The following DCAF8L2 variants were observed in gnomAD, a reference collection of about 807,000 sequenced individuals.
The protein encoded by DCAF8L2 is DDB1 and CUL4 associated factor 8 like 2.
For missense variants in DCAF8L2, 430 were observed against 490.7 expected (o/e 0.88, Z 1.17); for synonymous variants, 200 against 190.9 (o/e 1.05, Z -0.39).
At chrX:27,490,306 T>TG in the DCAF8L2 span, among the ~76,000 whole-genome samples, 1 of 112,155 alleles carries the variant, frequency 8.9e-6, no homozygotes, top group Non-Finnish European at 1.9e-5. Context: ...TTTGTTGAGG[T>TG]GGGGTGTTTC....
intron 3 of DCAF8L2, among the ~76,000 whole-genome samples, chrX:27,682,362 C>G (rs1225108626): frequency 9.0e-6 from 1 of 111,522 alleles, no homozygotes; most frequent in Non-Finnish European, 1.9e-5. Context: ...AGAATGGTCT[C>G]TGAATGTAGG....
At chrX:27,518,439 G>A in the DCAF8L2 span, 1 of 568,220 alleles carries the variant, frequency 1.8e-6, no homozygotes, top group Non-Finnish European at 3.0e-6. Context: ...CAACTATTTT[G>A]AAATGAAAAA....
chrX:27,471,710 C>T, the DCAF8L2 span, among the ~76,000 whole-genome samples: 2 of 111,447 alleles, frequency 1.8e-5, no homozygotes, highest in Non-Finnish European at 3.8e-5. Context: ...AGAATTACCA[C>T]ATTTAGTTAC....
At chrX:27,536,775 G>C in the DCAF8L2 span, among the ~76,000 whole-genome samples, 1 of 111,684 alleles carries the variant, frequency 9.0e-6, no homozygotes, top group African/African-American at 3.3e-5. Flanking sequence ...AGGCATGAAC[G>C]TCCCATGGCT....
the DCAF8L2 span, among the ~76,000 whole-genome samples, chrX:27,508,511 C>A: frequency 9.2e-6 from 1 of 108,976 alleles, no homozygotes; most frequent in Non-Finnish European, 1.9e-5. Context: ...CAGACAGCAA[C>A]ACAGCATGCA....
chrX:27,553,861 G>A, the DCAF8L2 span, among the ~76,000 whole-genome samples: 30 of 111,637 alleles, frequency 2.7e-4, no homozygotes, highest in African/African-American at 9.8e-4. Flanking sequence ...TTGCTTTGTG[G>A]TTACTATGAG....
chrX:27,526,486 C>T, the DCAF8L2 span, among the ~76,000 whole-genome samples: 13 of 112,333 alleles, frequency 1.2e-4, no homozygotes, highest in African/African-American at 4.2e-4. Context: ...TCCTTTAGCT[C>T]GGAGAAGTTT....
intron 3 of DCAF8L2, among the ~76,000 whole-genome samples, chrX:27,692,126 C>A (rs902024387): frequency 9.0e-6 from 1 of 111,685 alleles, no homozygotes; most frequent in Non-Finnish European, 1.9e-5. Context: ...CTGGCATCTT[C>A]CAAATATCTT....
chrX:27,640,679 A>G (rs980509142), intron 2 of DCAF8L2, among the ~76,000 whole-genome samples: 1 of 112,085 alleles, frequency 8.9e-6, no homozygotes, highest in African/African-American at 3.2e-5. Flanking sequence ...AATTGGTTCT[A>G]TCATTTCACA....
At chrX:27,703,786 G>T (rs1482004599) in intron 3 of DCAF8L2, among the ~76,000 whole-genome samples, 1 of 109,376 alleles carries the variant, frequency 9.1e-6, no homozygotes, top group Admixed American at 9.8e-5. Context: ...ATAAAACATA[G>T]GAATAAATCT....
chrX:27,512,806 A>AAAAC, the DCAF8L2 span, among the ~76,000 whole-genome samples: 1 of 97,955 alleles, frequency 1.0e-5, no homozygotes, highest in Non-Finnish European at 2.0e-5. Context: ...AAAAAAAAAA[A>AAAAC]AAAACAAAGC....
At chrX:27,647,058 G>T (rs1369507661) in intron 2 of DCAF8L2, among the ~76,000 whole-genome samples, 4 of 111,901 alleles carry the variant, frequency 3.6e-5, no homozygotes, top group African/African-American at 1.3e-4. Context: ...TCTATTACTG[G>T]TTATATACCC....
the DCAF8L2 span, among the ~76,000 whole-genome samples, chrX:27,554,999 C>A: frequency 9.0e-6 from 1 of 111,239 alleles, no homozygotes; most frequent in African/African-American, 3.3e-5. Flanking sequence ...CATATGAACA[C>A]CTGATAGAGA....
At chrX:27,653,077 C>A (rs1292181720) in intron 2 of DCAF8L2, among the ~76,000 whole-genome samples, 2 of 111,353 alleles carry the variant, frequency 1.8e-5, no homozygotes, top group South Asian at 7.5e-4. Context: ...CAATGTTGTT[C>A]TTTTGTCTGA....
At chrX:27,564,329 G>A in the DCAF8L2 span, among the ~76,000 whole-genome samples, 2 of 111,310 alleles carry the variant, frequency 1.8e-5, no homozygotes, top group Admixed American at 9.6e-5. Context: ...CCCACAACAC[G>A]TGAGGATTAT....
At chrX:27,517,190 A>G in the DCAF8L2 span, among the ~76,000 whole-genome samples, 1 of 112,036 alleles carries the variant, frequency 8.9e-6, no homozygotes, top group African/African-American at 3.2e-5. Context: ...AAATGTTCTA[A>G]TCTTTTTCAT....
At chrX:27,652,604 C>A (rs1239323843) in intron 2 of DCAF8L2, among the ~76,000 whole-genome samples, 2 of 111,984 alleles carry the variant, frequency 1.8e-5, no homozygotes, top group Non-Finnish European at 3.8e-5. Context: ...AAGATGAAAG[C>A]TTTTAATTTT....
At chrX:27,554,368 G>A in the DCAF8L2 span, among the ~76,000 whole-genome samples, 2 of 111,835 alleles carry the variant, frequency 1.8e-5, no homozygotes, top group African/African-American at 6.5e-5. Flanking sequence ...TTCAGAAAAG[G>A]TTGATTTTCC....
In DCAF8L2 at chrX:27,696,273, A is replaced by G. The variant is rs769131656; in HGVS notation, c.-143+18361A>G. Reference sequence around the variant, plus strand: ...GGAAGGAAGGAAGAGAGAGAGAGAAAGAAAGAAAGAAAGAAAGAAAGAAAG... The same window carrying G: ...GGAAGGAAGGAAGAGAGAGAGAGAAGGAAAGAAAGAAAGAAAGAAAGAAAG... On this transcript the variant is annotated intron_variant, in intron 3 of 4. Coordinates refer to ENST00000451261, the MANE Select transcript of DCAF8L2 (RefSeq NM_001353450.2). 1.0e-3 allele frequency among the ~76,000 whole-genome samples: 15 copies of G among 14,291 alleles called. 1 individual carries two copies. Among genetic ancestry groups the G allele is most frequent in the Non-Finnish European group, 1.7e-3 (14 of 8,054 alleles). The allele number at this position is 14,291 out of a possible 115,157, so 12.4% of individuals were successfully genotyped here. A position where few individuals can be genotyped will look rare whatever the true frequency, so the allele number is the denominator to read the frequency against.
Sources: gnomAD v4.1 joint callset for allele counts (sites outside exome capture counted in the v4.1 genomes callset) on GRCh38, gnomAD v4.1.1 for gene constraint, MANE v1.5 for transcripts, NCBI Gene and HGNC (gene_info 2026-07-23, HGNC 2026-07-21) for gene names.